The following NARS2 variants were observed in gnomAD, a reference collection of about 807,000 sequenced individuals.
NARS2 encodes asparaginyl-tRNA synthetase 2, mitochondrial, also known as asparaginyl-tRNA synthetase.
In NARS2, 60 loss-of-function variants were observed where a neutral mutation model predicts 62.9. The ratio of observed to expected loss-of-function variants is 0.95; its 90% CI spans 0.77 to 1.18. The LOEUF is 1.18. NARS2 is among the 50% of genes most tolerant of loss of function. NARS2 has a pLI of 0.00. For missense variants in NARS2, 619 were observed against 576.4 expected (o/e 1.07, Z -0.76); for synonymous variants, 196 against 200.0 (o/e 0.98, Z 0.17).
At chr11:78,505,308 ACACACACAC>A in intron 6 of NARS2, among the ~76,000 whole-genome samples, 2 of 144,734 alleles carry the variant, frequency 1.4e-5, no homozygotes, top group African/African-American at 2.7e-5. Context: ...ACACACACAC[ACACACACAC>A]ACACACATAC....
chr11:78,519,133 T>C (rs535782818), intron 6 of NARS2, among the ~76,000 whole-genome samples: 2 of 152,262 alleles, frequency 1.3e-5, no homozygotes, highest in Middle Eastern at 3.4e-3. Context: ...TCACACCCAA[T>C]TGTAAAGCTT....
At chr11:78,543,909 T>G (rs923959221) in intron 5 of NARS2, among the ~76,000 whole-genome samples, 1 of 148,932 alleles carries the variant, frequency 6.7e-6, no homozygotes, top group African/African-American at 2.5e-5. Flanking sequence ...CGCGCACCTG[T>G]AGTCCCAGCT....
At chr11:78,573,131 T>C (rs1413826667) in intron 1 of NARS2, 1 of 152,208 alleles carries the variant, frequency 6.6e-6, no homozygotes, top group Non-Finnish European at 1.5e-5. Context: ...AGATTGGTCA[T>C]ACCGCTAAAA....
intron 6 of NARS2, among the ~76,000 whole-genome samples, chr11:78,507,854 A>G (rs899150306): frequency 2.5e-5 from 3 of 117,966 alleles, no homozygotes; most frequent in Middle Eastern, 4.0e-3. Flanking sequence ...CAAGGCATAT[A>G]AAGAAAGATA....
At chr11:78,497,062 G>C (rs118105433) in intron 6 of NARS2, among the ~76,000 whole-genome samples, 1 of 151,920 alleles carries the variant, frequency 6.6e-6, no homozygotes, top group African/African-American at 2.4e-5. Context: ...AAGAGACCAG[G>C]AGAAAAAGAA....
chr11:78,444,446 T>G (rs140401776), intron 11 of NARS2, among the ~76,000 whole-genome samples: 2,891 of 152,224 alleles, frequency 0.019, 83 homozygotes, highest in African/African-American at 0.059. Flanking sequence ...CTGGGCACAG[T>G]AGCTCACACC....
chr11:78,524,157 C>T (rs11237532), intron 6 of NARS2, among the ~76,000 whole-genome samples: 17,228 of 151,884 alleles, frequency 0.11, 3,172 homozygotes, highest in African/African-American at 0.39. Context: ...CCCATTAGCC[C>T]CAGATGATAA....
chr11:78,511,544 C>T (rs1860721093), intron 6 of NARS2, among the ~76,000 whole-genome samples: 1 of 151,962 alleles, frequency 6.6e-6, no homozygotes, highest in Admixed American at 6.5e-5. Flanking sequence ...AGTGAAATCC[C>T]ATCTCTACTA....
At chr11:78,443,141 C>T (rs527911199) in intron 12 of NARS2, among the ~76,000 whole-genome samples, 3 of 151,980 alleles carry the variant, frequency 2.0e-5, no homozygotes, top group East Asian at 1.9e-4. Flanking sequence ...CCGGCTAACA[C>T]GGTGAAACTC....
At chr11:78,488,901 G>C (rs947597986) in intron 7 of NARS2, among the ~76,000 whole-genome samples, 4 of 151,962 alleles carry the variant, frequency 2.6e-5, no homozygotes, top group Admixed American at 6.6e-5. Context: ...GTTATCCAGA[G>C]GTAGAAAGGA....
intron 6 of NARS2, among the ~76,000 whole-genome samples, chr11:78,510,666 T>C (rs1439565850): frequency 6.6e-6 from 1 of 152,196 alleles, no homozygotes; most frequent in Non-Finnish European, 1.5e-5. Context: ...TGTTATTTAT[T>C]CAAACTAAAA....
chr11:78,565,241 C>T (rs1856704727), intron 4 of NARS2, among the ~76,000 whole-genome samples: 1 of 152,178 alleles, frequency 6.6e-6, no homozygotes, highest in Admixed American at 6.5e-5. Context: ...CCTACTTGAT[C>T]AACACCAGTA....
intron 5 of NARS2, among the ~76,000 whole-genome samples, chr11:78,547,788 G>A (rs1200286889): frequency 6.6e-6 from 1 of 152,188 alleles, no homozygotes; most frequent in Non-Finnish European, 1.5e-5. Flanking sequence ...TAAAATTGCC[G>A]TTAGAAAATA....
chr11:78,524,338 A>C (rs1047324436), intron 6 of NARS2, among the ~76,000 whole-genome samples: 3 of 152,084 alleles, frequency 2.0e-5, no homozygotes, highest in African/African-American at 7.2e-5. Context: ...CTAGAAATGA[A>C]ATTCTGGGTA....
Position 78,436,620 on chromosome 11 carries a change from T to A in NARS2, c.*50A>T, listed in dbSNP as rs1222163214. On this transcript the variant is annotated 3_prime_UTR_variant, in exon 14 of 14. Transcript: ENST00000281038. Reference sequence around the variant, plus strand: ...ATGCATTCTGCTGTATGCACAATCATGTGCAGTGTCTCTGCCATGGGGGGT... The same window carrying A: ...ATGCATTCTGCTGTATGCACAATCAAGTGCAGTGTCTCTGCCATGGGGGGT... 2 of 1,599,622 alleles carry A rather than the reference T, an allele frequency of 1.3e-6. No homozygotes were observed. Among genetic ancestry groups the A allele is most frequent in the Non-Finnish European group, 1.7e-6 (2 of 1,168,940 alleles).
chr11:78,463,241 G>T (rs1858466831), intron 11 of NARS2, among the ~76,000 whole-genome samples: 1 of 151,968 alleles, frequency 6.6e-6, no homozygotes, highest in Non-Finnish European at 1.5e-5. Flanking sequence ...TTTATTTTTT[G>T]TTGAGATAGG....
chr11:78,458,627 C>A (rs1054850381), intron 11 of NARS2, among the ~76,000 whole-genome samples: 1 of 152,210 alleles, frequency 6.6e-6, no homozygotes, highest in Non-Finnish European at 1.5e-5. Flanking sequence ...ACTCACTACT[C>A]GTCGACAGTG....
intron 5 of NARS2, among the ~76,000 whole-genome samples, chr11:78,553,293 T>C (rs908471006): frequency 6.6e-6 from 1 of 152,040 alleles, no homozygotes; most frequent in Non-Finnish European, 1.5e-5. Context: ...ACCCCCCCTT[T>C]TTTTTTCTTT....
intron 11 of NARS2, 71 bp downstream of exon 11, chr11:78,465,805 A>G: frequency 6.7e-7 from 1 of 1,483,180 alleles, no homozygotes; most frequent in Non-Finnish European, 9.3e-7. Flanking sequence ...ATTTAAGAAA[A>G]GATCACAAAG....
Sources: allele counts gnomAD v4.1 joint callset (sites outside exome capture counted in the v4.1 genomes callset), GRCh38; gene constraint gnomAD v4.1.1; transcripts MANE v1.5; gene names NCBI Gene and HGNC (gene_info 2026-07-23, HGNC 2026-07-21).